Variants in GAB2 observed in about 807,000 individuals in gnomAD.
The protein encoded by GAB2 is GRB2-associated-binding protein 2.
In GAB2, 26 loss-of-function variants were observed where a neutral mutation model predicts 65.5. The observed-to-expected ratio is 0.40, with a 90% CI of 0.29 to 0.55. The LOEUF is 0.55. GAB2 is among the 20% of genes least tolerant of loss of function. The pLI is 0.53. For missense variants in GAB2, 884 were observed against 875.8 expected (o/e 1.01, Z -0.12); for synonymous variants, 321 against 329.6 (o/e 0.97, Z 0.28).
rs145065258 is a variant in GAB2, at chr11:78,264,728, T to C, written c.377-14328A>G. ...CGGCCAAGACATCTTTGTTTTTGAG[T>C]ACCACAACGACAAGTGTAATGCCCC... On this transcript the variant is annotated intron_variant, in intron 2 of 9. Coordinates refer to ENST00000361507, the MANE Select transcript of GAB2 (RefSeq NM_080491.3). Among the ~76,000 whole-genome samples, 512 of 152,306 alleles carry C rather than the reference T, an allele frequency of 3.4e-3. 2 individuals are homozygous for C. The highest frequency in any genetic ancestry group is 0.012 in the African/African-American group (488 of 41,558).
At chr11:78,330,487 T>C (rs1051784816) in intron 1 of GAB2, among the ~76,000 whole-genome samples, 2 of 152,062 alleles carry the variant, frequency 1.3e-5, no homozygotes, top group Non-Finnish European at 2.9e-5. Context: ...AATCAAGAAA[T>C]AGTGGTTTGC....
At chr11:78,335,079 A>T (rs926463880) in intron 1 of GAB2, among the ~76,000 whole-genome samples, 2 of 152,240 alleles carry the variant, frequency 1.3e-5, no homozygotes, top group African/African-American at 4.8e-5. Context: ...TGGCCCATTT[A>T]AAAATCAGAT....
At chr11:78,327,367 G>A (rs1591041300) in intron 1 of GAB2, among the ~76,000 whole-genome samples, 2 of 152,160 alleles carry the variant, frequency 1.3e-5, no homozygotes, top group Non-Finnish European at 2.9e-5. Flanking sequence ...GTTGTGGGAG[G>A]AGGAAAGTAA....
chr11:78,350,568 C>T (rs977902222), intron 1 of GAB2, among the ~76,000 whole-genome samples: 2 of 152,144 alleles, frequency 1.3e-5, no homozygotes, highest in African/African-American at 2.4e-5. Context: ...CATTGTTACA[C>T]TATAAATTAT....
At chr11:78,312,345 G>A (rs1405744240) in intron 1 of GAB2, among the ~76,000 whole-genome samples, 2 of 152,072 alleles carry the variant, frequency 1.3e-5, no homozygotes, top group Non-Finnish European at 2.9e-5. Flanking sequence ...TTTGGGCCAG[G>A]CACTCTCCTA....
At chr11:78,365,909 A>G (rs1473342971) in intron 1 of GAB2, among the ~76,000 whole-genome samples, 2 of 152,236 alleles carry the variant, frequency 1.3e-5, no homozygotes, top group African/African-American at 4.8e-5. Context: ...AATTTCGTGA[A>G]TATTCAGCCA....
Position 78,269,089 on chromosome 11 carries a change from G to T in GAB2, c.376+11512C>A, listed in dbSNP as rs114372741. On this transcript the variant is annotated intron_variant, in intron 2 of 9. Transcript: ENST00000361507. Reference sequence around the variant, plus strand: ...TCAGATCTGGCTGGAAACTGGTCTGGATATTTATTTTCCTCATTGTCTCAG... The same window carrying T: ...TCAGATCTGGCTGGAAACTGGTCTGTATATTTATTTTCCTCATTGTCTCAG... Among the ~76,000 whole-genome samples, 1,329 of 151,912 alleles carry T rather than the reference G, an allele frequency of 8.7e-3. 20 individuals carry two copies. The highest frequency in any genetic ancestry group is 0.031 in the African/African-American group (1,263 of 41,402).
chr11:78,359,916 C>G (rs1408900291), intron 1 of GAB2, among the ~76,000 whole-genome samples: 1 of 152,136 alleles, frequency 6.6e-6, no homozygotes, highest in African/African-American at 2.4e-5. Context: ...AGGTCTCAGA[C>G]CCTTAGGCCA....
At chr11:78,249,762 G>A (rs1865395074) in intron 3 of GAB2, among the ~76,000 whole-genome samples, 1 of 152,096 alleles carries the variant, frequency 6.6e-6, no homozygotes, top group South Asian at 2.1e-4. Flanking sequence ...ACAGAACAGT[G>A]CAGTTCTAGA....
chr11:78,241,223 T>G (rs1237336969), intron 3 of GAB2, among the ~76,000 whole-genome samples: 1 of 152,232 alleles, frequency 6.6e-6, no homozygotes, highest in East Asian at 1.9e-4. Context: ...AGAAGCTGCA[T>G]GGAGACTATA....
At chr11:78,279,269 T>G (rs964372895) in intron 2 of GAB2, among the ~76,000 whole-genome samples, 1 of 152,114 alleles carries the variant, frequency 6.6e-6, no homozygotes, top group African/African-American at 2.4e-5. Flanking sequence ...ACGCAGAACT[T>G]CCTGTTAAAA....
At chr11:78,282,500 G>A (rs1256601966) in intron 1 of GAB2, among the ~76,000 whole-genome samples, 2 of 151,828 alleles carry the variant, frequency 1.3e-5, no homozygotes, top group South Asian at 2.1e-4. Flanking sequence ...GTAGAGACAG[G>A]GCTTCACCAT....
chr11:78,309,974 G>A (rs1327016975), intron 1 of GAB2, among the ~76,000 whole-genome samples: 6 of 144,018 alleles, frequency 4.2e-5, no homozygotes, highest in South Asian at 4.3e-4. Flanking sequence ...GTGTGTGTGC[G>A]CGCGCGCCTG....
intron 3 of GAB2, among the ~76,000 whole-genome samples, chr11:78,241,798 G>A (rs182737032): frequency 3.9e-5 from 6 of 152,298 alleles, no homozygotes; most frequent in Admixed American, 2.6e-4. Flanking sequence ...AAGAAAACCT[G>A]CAAGACTTAT....
chr11:78,328,793 G>A (rs1447199782), intron 1 of GAB2, among the ~76,000 whole-genome samples: 1 of 151,502 alleles, frequency 6.6e-6, no homozygotes, highest in Non-Finnish European at 1.5e-5. Flanking sequence ...GGTGAGAATT[G>A]TTTGGAAAGG....
intron 1 of GAB2, among the ~76,000 whole-genome samples, chr11:78,370,712 C>CGTGT (rs1554995526): frequency 8.1e-5 from 10 of 123,218 alleles, no homozygotes; most frequent in African/African-American, 2.6e-4. Flanking sequence ...TGTGTGTGTG[C>CGTGT]GTGTGTGTGT....
At chr11:78,386,839 T>G (rs2134745050) in intron 1 of GAB2, among the ~76,000 whole-genome samples, 1 of 152,326 alleles carries the variant, frequency 6.6e-6, no homozygotes, top group South Asian at 2.1e-4. Context: ...TCTTCCCTAC[T>G]GGCCAAAGTG....
At chr11:78,254,670 G>A (rs1474773645) in intron 2 of GAB2, among the ~76,000 whole-genome samples, 1 of 152,058 alleles carries the variant, frequency 6.6e-6, no homozygotes, top group Non-Finnish European at 1.5e-5. Context: ...GTGGTGGTGT[G>A]TGCCTGTAGG....
rs149002220 is a variant in GAB2, at chr11:78,364,335, T to C, written c.75+53311A>G. ...ATTGCTTCTCTACACTCCTTCCCCTTAGAACCATCTTTACTCCAATACAGA... is the reference window on the plus strand; with the variant it reads ...ATTGCTTCTCTACACTCCTTCCCCTCAGAACCATCTTTACTCCAATACAGA... On this transcript the variant is annotated intron_variant, in intron 1 of 9. Transcript: ENST00000361507. Among the ~76,000 whole-genome samples the C allele has an allele frequency of 9.0e-3, 1,370 of 152,324 alleles. 12 individuals carry two copies. Among genetic ancestry groups the C allele is most frequent in the Middle Eastern group, 0.017 (5 of 294 alleles).
Sources: allele counts gnomAD v4.1 joint callset (sites outside exome capture counted in the v4.1 genomes callset), GRCh38; gene constraint gnomAD v4.1.1; transcripts MANE v1.5; gene names NCBI Gene and HGNC (gene_info 2026-07-23, HGNC 2026-07-21).